The following DTWD2 variants were observed in gnomAD, a reference collection of about 807,000 sequenced individuals.
DTWD2 encodes the protein tRNA-uridine aminocarboxypropyltransferase 2.
DTWD2 carries 39 observed loss-of-function variants against 31.8 expected under a neutral mutation model. The observed-to-expected ratio is 1.22, with a 90% CI of 0.95 to 1.60. DTWD2 has a LOEUF of 1.60. Ranked by LOEUF, DTWD2 falls within the 40% of genes most tolerant of loss-of-function variation. The pLI is 0.00. For missense variants in DTWD2, 515 were observed against 381.5 expected (o/e 1.35, Z -2.92); for synonymous variants, 180 against 142.8 (o/e 1.26, Z -1.86).
chr5:118,840,814 C>CCTT lies in DTWD2; in HGVS notation c.*100_*102dup. On this transcript the variant is annotated 3_prime_UTR_variant, in exon 6 of 6. Transcript: ENST00000510708. Reference sequence around the variant, plus strand: ...CTGGGTAAGATTAGTATGCAATTCTCCTTCTTTAGCAAGTCAAAAACCTAC... The same window carrying CCTT: ...CTGGGTAAGATTAGTATGCAATTCTCCTTCTTCTTTAGCAAGTCAAAAACCTAC... 6 of 1,241,342 alleles carry CCTT rather than the reference C, an allele frequency of 4.8e-6. No homozygotes were observed. Among genetic ancestry groups the CCTT allele is most frequent in the Non-Finnish European group, 6.5e-6 (6 of 928,236 alleles). The allele number at this position is 1,241,342 out of a possible 1,614,324, so 76.9% of individuals were successfully genotyped here.
intron 4 of DTWD2, among the ~76,000 whole-genome samples, chr5:118,851,714 A>G (rs1389991446): frequency 1.3e-5 from 2 of 149,632 alleles, no homozygotes; most frequent in Admixed American, 1.3e-4. Flanking sequence ...GGGGAGGGAT[A>G]GCATTTGGAG....
rs34808087 is a variant in DTWD2, at chr5:118,850,477, C to CAAAAAAA, written c.598-2266_598-2260dup. 1.1e-3 allele frequency among the ~76,000 whole-genome samples: 35 copies of CAAAAAAA among 30,482 alleles called. 1 individual carries two copies. Among genetic ancestry groups the CAAAAAAA allele is most frequent in the East Asian group, 4.5e-3 (3 of 666 alleles). 20.0% of individuals were successfully genotyped at this position (30,482 alleles called of 152,430 possible). A position where few individuals can be genotyped will look rare whatever the true frequency, so the allele number is the denominator to read the frequency against. ...TGGGTGACAGAGCCAGACCCCACCA[C>CAAAAAAA]AAAAAAAAAAAAAAAAAAAAAAAAA... On this transcript the variant is annotated intron_variant, in intron 4 of 5. Transcript: ENST00000510708.
At chr5:118,920,702 A>G (rs1753683868) in intron 4 of DTWD2, among the ~76,000 whole-genome samples, 1 of 152,230 alleles carries the variant, frequency 6.6e-6, no homozygotes. Context: ...AAACATGATG[A>G]TAGATTTTGT....
intron 1 of DTWD2, among the ~76,000 whole-genome samples, chr5:118,958,468 A>G (rs1233689804): frequency 6.6e-6 from 1 of 151,714 alleles, no homozygotes; most frequent in Non-Finnish European, 1.5e-5. Flanking sequence ...AAAAACAACA[A>G]CAACAACAAC....
At chr5:118,920,326 T>C (rs1322590982) in intron 4 of DTWD2, among the ~76,000 whole-genome samples, 1 of 152,030 alleles carries the variant, frequency 6.6e-6, no homozygotes, top group Non-Finnish European at 1.5e-5. Flanking sequence ...AAGAATACTA[T>C]ATCTGTGATA....
intron 1 of DTWD2, among the ~76,000 whole-genome samples, chr5:118,982,819 G>C (rs1334773488): frequency 6.6e-6 from 1 of 151,114 alleles, no homozygotes; most frequent in Non-Finnish European, 1.5e-5. Context: ...CTCCCAAGTA[G>C]CTGGGATTAC....
chr5:118,837,030 C>G lies in DTWD2; in HGVS notation c.*3887G>C, dbSNP rs964718620. 2.0e-5 allele frequency among the ~76,000 whole-genome samples: 3 copies of G among 152,122 alleles called. No homozygotes were observed. Among genetic ancestry groups the G allele is most frequent in the African/African-American group, 7.2e-5 (3 of 41,414 alleles). ...AAATTGTAAACTGTTAAGACCACTACAGTATCTTTTGTTTAAAAACATGCT... is the reference window on the plus strand; with the variant it reads ...AAATTGTAAACTGTTAAGACCACTAGAGTATCTTTTGTTTAAAAACATGCT... On this transcript the variant is annotated 3_prime_UTR_variant, in exon 6 of 6. Coordinates refer to ENST00000510708, the MANE Select transcript of DTWD2 (RefSeq NM_173666.4).
chr5:118,984,222 G>C (rs1270136657), intron 1 of DTWD2, among the ~76,000 whole-genome samples: 1 of 152,110 alleles, frequency 6.6e-6, no homozygotes, highest in African/African-American at 2.4e-5. Context: ...CTGGGTGGCA[G>C]AGGTTGCGGT....
chr5:118,851,629 C>T lies in DTWD2; in HGVS notation c.598-3411G>A, dbSNP rs189311626. On this transcript the variant is annotated intron_variant, in intron 4 of 5. Transcript: ENST00000510708. ...TGATAAACATCTTAACAGAAAACAG[C>T]GTTCGACAATGAGAACACATGGACA... Among the ~76,000 whole-genome samples the T allele has an allele frequency of 3.3e-3, 459 of 139,898 alleles. 3 individuals are homozygous for T. The highest frequency in any genetic ancestry group is 0.012 in the Middle Eastern group (3 of 248). 91.8% of individuals were successfully genotyped at this position (139,898 alleles called of 152,430 possible).
chr5:118,874,030 T>C (rs1016832251), intron 4 of DTWD2, among the ~76,000 whole-genome samples: 13 of 152,152 alleles, frequency 8.5e-5, no homozygotes, highest in Non-Finnish European at 1.6e-4. Context: ...GAGAACAAAG[T>C]CTGGGTGCAA....
chr5:118,881,302 A>G (rs1329819926), intron 4 of DTWD2, among the ~76,000 whole-genome samples: 1 of 152,216 alleles, frequency 6.6e-6, no homozygotes, highest in Non-Finnish European at 1.5e-5. Context: ...ATGCCTCTAA[A>G]TACCATAATC....
At chr5:118,893,071 T>C (rs180860891) in intron 4 of DTWD2, among the ~76,000 whole-genome samples, 2 of 151,866 alleles carry the variant, frequency 1.3e-5, no homozygotes, top group Admixed American at 6.6e-5. Flanking sequence ...TGTACTTCTA[T>C]ATAAAAAAAA....
At chr5:118,889,155 G>C (rs1752927720) in intron 4 of DTWD2, among the ~76,000 whole-genome samples, 1 of 152,056 alleles carries the variant, frequency 6.6e-6, no homozygotes, top group South Asian at 2.1e-4. Context: ...TGAAATCATA[G>C]ACAAACCCAA....
intron 5 of DTWD2, among the ~76,000 whole-genome samples, chr5:118,843,789 A>G (rs923113116): frequency 3.8e-4 from 58 of 152,264 alleles, no homozygotes; most frequent in African/African-American, 1.2e-3. Context: ...TTAGATCCCT[A>G]CTCCATCTCT....
chr5:118,984,167 T>TA (rs1403978214), intron 1 of DTWD2, among the ~76,000 whole-genome samples: 3 of 152,242 alleles, frequency 2.0e-5, no homozygotes, highest in Non-Finnish European at 4.4e-5. Context: ...TGCATGCCTG[T>TA]AATCCCAGCT....
At chr5:118,954,608 A>G (rs376538834) in intron 1 of DTWD2, among the ~76,000 whole-genome samples, 96 of 152,200 alleles carry the variant, frequency 6.3e-4, no homozygotes, top group African/African-American at 1.9e-3. Context: ...CCGCCTCCCA[A>G]TTCAAGCAAT....
chr5:118,918,526 G>C (rs1017538513), intron 4 of DTWD2, among the ~76,000 whole-genome samples: 1 of 151,652 alleles, frequency 6.6e-6, no homozygotes, highest in Admixed American at 6.6e-5. Context: ...ATCATTGAGA[G>C]AATTATAGAA....
chr5:118,841,236 A>T, intron 5 of DTWD2, 149 bp from the exon 6 acceptor site: 1 of 776,708 alleles, frequency 1.3e-6, no homozygotes, highest in East Asian at 2.9e-5. Flanking sequence ...TGATAAATAT[A>T]TAATTATTTC....
rs1753857503 is a variant in DTWD2 at position 118,928,623 on chromosome 5, G to A, written c.511C>T (p.Pro171Ser). The A allele has an allele frequency of 3.7e-6, 6 of 1,603,172 alleles. No homozygotes were observed. The highest frequency in any genetic ancestry group is 4.3e-6 in the Non-Finnish European group (5 of 1,174,320). ...EEFILDSPVYPSTIIIIDGTW... is the reference protein window; with the variant it reads ...EEFILDSPVYSSTIIIIDGTW... ...CCATCAATGATGATGATTGTAGAAG[G>A]ATAAACAGGAGAATCTAATATAAAT... Residue 171 changes from proline to serine, a missense_variant, in exon 4 of 6, where the codon CCT becomes TCT. Transcript: ENST00000510708.
Sources: gnomAD v4.1 joint callset for allele counts (sites outside exome capture counted in the v4.1 genomes callset) on GRCh38, gnomAD v4.1.1 for gene constraint, MANE v1.5 for transcripts, NCBI Gene and HGNC (gene_info 2026-07-23, HGNC 2026-07-21) for gene names.